Variants in DNPEP observed in about 807,000 individuals in gnomAD.
DNPEP encodes aspartyl aminopeptidase.
DNPEP carries 46 observed loss-of-function variants against 59.1 expected under a neutral mutation model. The ratio of observed to expected loss-of-function variants is 0.78; its 90% CI spans 0.61 to 0.99. The LOEUF (loss-of-function observed/expected upper bound fraction) is 0.99, where lower values mean the gene tolerates loss of function less well. DNPEP is among the 50% of genes least tolerant of loss of function. The pLI, the probability that DNPEP is intolerant of heterozygous loss-of-function variation, is 0.00. For missense variants in DNPEP, 617 were observed against 649.9 expected (o/e 0.95, Z 0.55); for synonymous variants, 229 against 242.2 (o/e 0.95, Z 0.50).
In DNPEP at chr2:219,386,895, G is replaced by A. The variant is rs1029018717; in HGVS notation, c.216C>T (p.Ser72=). ...ACCCCCACCCCACCCCCAGTACCTTGCTCTCGGGCTTAATATTCCATTTCT... is the reference window on the plus strand; with the variant it reads ...ACCCCCACCCCACCCCCAGTACCTTACTCTCGGGCTTAATATTCCATTTCT... ...ETEKWNIKPE[S]KYFMTRNSST... The change falls in exon 3 of 15, where the codon AGC becomes AGT. Residue 72 remains serine (S), a synonymous_variant. Coordinates refer to ENST00000273075, the MANE Select transcript of DNPEP (RefSeq NM_012100.4). 9.5e-6 allele frequency: 14 copies of A among 1,470,570 alleles called. No individual in the cohort carries two copies. Among genetic ancestry groups the A allele is most frequent in the Non-Finnish European group, 1.3e-5 (14 of 1,050,122 alleles). The allele number at this position is 1,470,570 out of a possible 1,614,324, so 91.1% of individuals were successfully genotyped here. A position where few individuals can be genotyped will look rare whatever the true frequency, so the allele number is the denominator to read the frequency against.
intron 1 of DNPEP, among the ~76,000 whole-genome samples, chr2:219,396,806 T>A (rs1034104655): frequency 6.6e-6 from 1 of 152,176 alleles, no homozygotes; most frequent in South Asian, 2.1e-4. Flanking sequence ...TGTGCTTATC[T>A]AAGATGTAAC....
chr2:219,383,005 G>A lies in DNPEP; in HGVS notation c.936+126C>T, dbSNP rs1953662183. 4 of 696,952 alleles carry A rather than the reference G, an allele frequency of 5.7e-6. No individual in the cohort carries two copies. In the South Asian group the frequency reaches 6.9e-5, roughly 12 times the overall value. 43.2% of individuals were successfully genotyped at this position (696,952 alleles called of 1,614,324 possible). A position where few individuals can be genotyped will look rare whatever the true frequency, so the allele number is the denominator to read the frequency against. Reference sequence around the variant, plus strand: ...AGAGGAGACACCAAGTGCTAAGGAGGCACAGGCAGCATCTCCCCTGTCTTG... The same window carrying A: ...AGAGGAGACACCAAGTGCTAAGGAGACACAGGCAGCATCTCCCCTGTCTTG... On this transcript the variant is annotated intron_variant, in intron 10 of 14. Transcript: ENST00000273075.
At chr2:219,376,076 C>T (rs890583320) in intron 13 of DNPEP, among the ~76,000 whole-genome samples, 1 of 152,090 alleles carries the variant, frequency 6.6e-6, no homozygotes, top group Non-Finnish European at 1.5e-5. Flanking sequence ...AGTCAAAGGG[C>T]ACAGGAGTTA....
At chr2:219,391,360 C>A (rs1351505031), upstream of DNPEP, among the ~76,000 whole-genome samples, 1 of 152,126 alleles carries the variant, frequency 6.6e-6, no homozygotes, top group Non-Finnish European at 1.5e-5. Flanking sequence ...TGGCCGATTT[C>A]AAGCTGTCGA....
chr2:219,377,790 G>T (rs1367369500), intron 13 of DNPEP, among the ~76,000 whole-genome samples: 1 of 152,096 alleles, frequency 6.6e-6, no homozygotes, highest in Non-Finnish European at 1.5e-5. Flanking sequence ...CAGCATGGTG[G>T]CATGCATCTG....
At chr2:219,394,310 A>G (rs973651665) in intron 1 of DNPEP, among the ~76,000 whole-genome samples, 1 of 152,214 alleles carries the variant, frequency 6.6e-6, no homozygotes, top group Non-Finnish European at 1.5e-5. Context: ...CCTATTTGAC[A>G]TAGCCGTTTG....
At chr2:219,399,977 T>C in exon 1 of DNPEP, 2 of 1,440,504 alleles carry the variant, frequency 1.4e-6, no homozygotes, top group Non-Finnish European at 1.9e-6. Context: ...CTGAACCGTG[T>C]GCCTTTTTTG....
chr2:219,377,316 A>T (rs1006140145), intron 13 of DNPEP, among the ~76,000 whole-genome samples: 3 of 137,724 alleles, frequency 2.2e-5, no homozygotes, highest in Non-Finnish European at 4.7e-5. Context: ...GTTTAACTTG[A>T]ATCCATCAAG....
intron 9 of DNPEP, among the ~76,000 whole-genome samples, chr2:219,383,719 C>T (rs1953695999): frequency 6.6e-6 from 1 of 152,158 alleles, no homozygotes; most frequent in Non-Finnish European, 1.5e-5. Flanking sequence ...CAGACTCCAT[C>T]AAGGTGACAT....
At position 219,378,016 on chromosome 2, in the gene DNPEP, A is replaced by G. The variant is rs138742936; in HGVS notation, c.1240-2994T>C. ...GAGGCAACAAAAATATATCCAATAT[A>G]ATATCATTTTAAAAAAGTGTATATG... On this transcript the variant is annotated intron_variant, in intron 13 of 14. Coordinates refer to ENST00000273075, the MANE Select transcript of DNPEP (RefSeq NM_012100.4). Among the ~76,000 whole-genome samples, 8 of 152,280 alleles carry G rather than the reference A, an allele frequency of 5.3e-5. No homozygotes were observed. In the East Asian group the frequency reaches 1.5e-3, roughly 29 times the overall value.
rs1953275705 is a variant in DNPEP at position 219,374,133 on chromosome 2, A to C, written c.*159T>G. The C allele has an allele frequency of 1.4e-6, 1 of 692,060 alleles. No homozygotes were observed. The highest frequency in any genetic ancestry group is 2.8e-5 in the Admixed American group (1 of 35,524). The allele number at this position is 692,060 out of a possible 1,614,324, so 42.9% of individuals were successfully genotyped here. On this transcript the variant is annotated 3_prime_UTR_variant, in exon 15 of 15. Coordinates refer to ENST00000273075, the MANE Select transcript of DNPEP (RefSeq NM_012100.4). ...CTGCTCCCCAACTTTTCTGGTTCCAAAGGTTCAAGCCAGGCTCAACTCCCA... is the reference window on the plus strand; with the variant it reads ...CTGCTCCCCAACTTTTCTGGTTCCACAGGTTCAAGCCAGGCTCAACTCCCA...
At chr2:219,374,549 A>G (rs534746877) in intron 14 of DNPEP, among the ~76,000 whole-genome samples, 4 of 152,244 alleles carry the variant, frequency 2.6e-5, no homozygotes, top group African/African-American at 7.2e-5. Flanking sequence ...CTGAGCCTTG[A>G]GAAGAATAAG....
At chr2:219,399,320 C>T (rs1305640024) in intron 1 of DNPEP, 1 of 387,290 alleles carries the variant, frequency 2.6e-6, no homozygotes, top group Admixed American at 3.4e-5. Context: ...CAGAAACCGA[C>T]CCACCCTGGT....
At chr2:219,385,946 C>G (rs370821247) in intron 6 of DNPEP, 22 bp downstream of exon 6, 1 of 1,613,044 alleles carries the variant, frequency 6.2e-7, no homozygotes, top group Admixed American at 1.7e-5. Context: ...TCCCAGCCAC[C>G]GCAGCCCTGC....
At chr2:219,390,331 A>G (rs1953995685), upstream of DNPEP, among the ~76,000 whole-genome samples, 1 of 152,254 alleles carries the variant, frequency 6.6e-6, no homozygotes. Flanking sequence ...CGATCAAGCT[A>G]TTATTAGAAC....
At chr2:219,387,610 G>A in intron 1 of DNPEP, 149 bp downstream of exon 1, 2 of 1,537,638 alleles carry the variant, frequency 1.3e-6, no homozygotes, top group Admixed American at 4.0e-5. Flanking sequence ...TCCAGTCCCG[G>A]GAAAGTCGTC....
At chr2:219,385,327 G>A (rs1211191030) in intron 8 of DNPEP, 97 bp downstream of exon 8, 5 of 738,182 alleles carry the variant, frequency 6.8e-6, no homozygotes, top group South Asian at 5.1e-5. Flanking sequence ...AGTTACTGAG[G>A]GCTTGGTGGA....
intron 1 of DNPEP, 124 bp from the exon 2 acceptor site, chr2:219,387,287 C>A: frequency 7.0e-7 from 1 of 1,432,782 alleles, no homozygotes; most frequent in African/African-American, 1.5e-5. Flanking sequence ...CCTCTGCTTC[C>A]GCCCGTCCCC....
intron 1 of DNPEP, 170 bp downstream of exon 1, chr2:219,387,589 G>T: frequency 6.6e-7 from 1 of 1,523,022 alleles, no homozygotes. Context: ...GTCTCTCGCA[G>T]GACTCCCCCT....
Sources: gnomAD v4.1 joint callset for allele counts (sites outside exome capture counted in the v4.1 genomes callset) on GRCh38, gnomAD v4.1.1 for gene constraint, MANE v1.5 for transcripts, NCBI Gene and HGNC (gene_info 2026-07-23, HGNC 2026-07-21) for gene names.